The following PDE11A variants were observed in gnomAD, a reference collection of about 807,000 sequenced individuals.
PDE11A encodes the protein phosphodiesterase 11A, also known as dual 3',5'-cyclic-AMP and -GMP phosphodiesterase 11A.
Under a neutral mutation model 100.5 loss-of-function variants are expected in PDE11A, and 100 were observed. The observed-to-expected ratio is 1.00, with a 90% CI of 0.85 to 1.18. The LOEUF (loss-of-function observed/expected upper bound fraction) is 1.18, where lower values mean the gene tolerates loss of function less well. PDE11A is among the 50% of genes most tolerant of loss of function. The probability of loss-of-function intolerance (pLI) is 0.00; values close to 1 mark genes in which losing one functional copy is unlikely to be tolerated. For synonymous variants in PDE11A, 381 were observed against 420.8 expected, an observed-to-expected ratio of 0.91 and a Z score of 1.16; for missense variants, 1,141 against 1,152.6, an observed-to-expected ratio of 0.99 and a Z score of 0.15.
rs537237706 is a variant in PDE11A, at chr2:177,852,471, A to C, written c.1368-12088T>G. Among the ~76,000 whole-genome samples the C allele has an allele frequency of 4.6e-5, 7 of 152,118 alleles. No homozygotes were observed. The South Asian group carries it at 1.4e-3, about 32-fold the overall frequency. On this transcript the variant is annotated intron_variant, in intron 5 of 19. Transcript: ENST00000286063. The stretch of plus-strand genomic sequence containing the variant: ...TCTGAGGTTGGGTTCACAAAAAGAA[A>C]CTGCATTCCTTACTTTTTTCCCCCT...
intron 17 of PDE11A, among the ~76,000 whole-genome samples, chr2:177,669,979 A>C (rs2080651771): frequency 6.6e-6 from 1 of 152,166 alleles, no homozygotes; most frequent in South Asian, 2.1e-4. Context: ...TAGATTATTT[A>C]TTTTGTTGCA....
In PDE11A at chr2:177,845,157, C is replaced by T. The variant is rs1345478707; in HGVS notation, c.1368-4774G>A. Among the ~76,000 whole-genome samples, 43 of 149,120 alleles carry T rather than the reference C, an allele frequency of 2.9e-4. 1 individual carries two copies. The South Asian group carries it at 8.8e-3, about 30-fold the overall frequency. On this transcript the variant is annotated intron_variant, in intron 5 of 19. Coordinates refer to ENST00000286063, the MANE Select transcript of PDE11A (RefSeq NM_016953.4). ...TCACCTCCCGGACGGGGCGGCTGGC[C>T]GGGCGGGGGGCTGACCCCCCCCACC...
chr2:177,686,346 T>C (rs1321031221), intron 15 of PDE11A, among the ~76,000 whole-genome samples: 2 of 152,146 alleles, frequency 1.3e-5, no homozygotes, highest in Non-Finnish European at 1.5e-5. Context: ...GGAGGAGGAT[T>C]GCTCAATCCC....
chr2:177,660,085 TTCTTTCTTTCTTTC>T (rs2080457382), intron 19 of PDE11A, among the ~76,000 whole-genome samples: 2 of 36,990 alleles, frequency 5.4e-5, no homozygotes, highest in African/African-American at 1.8e-4. Context: ...CTTTCTTTCT[TTCTTTCTTTCTTTC>T]TCTCTCTCTC....
intron 14 of PDE11A, 169 bp downstream of exon 14, chr2:177,700,952 C>T: frequency 4.4e-6 from 3 of 680,382 alleles, no homozygotes; most frequent in Middle Eastern, 6.5e-4. Context: ...CAAGGTCCTG[C>T]TCAGGCATCT....
At chr2:177,998,400 AT>A in intron 2 of PDE11A, 1 of 872,098 alleles carries the variant, frequency 1.1e-6, no homozygotes, top group Non-Finnish European at 2.0e-6. Flanking sequence ...CATGTTAAAT[AT>A]ACTCAACAGG....
chr2:177,788,186 G>A (rs1433267210), intron 9 of PDE11A, among the ~76,000 whole-genome samples: 1 of 151,692 alleles, frequency 6.6e-6, no homozygotes, highest in East Asian at 1.9e-4. Flanking sequence ...ATAACAAACT[G>A]TCTCTCAGAC....
At chr2:177,713,861 T>C (rs2081392588) in intron 12 of PDE11A, among the ~76,000 whole-genome samples, 1 of 152,192 alleles carries the variant, frequency 6.6e-6, no homozygotes, top group Admixed American at 6.5e-5. Flanking sequence ...CAAATTATAC[T>C]GAGACTTAGA....
intron 18 of PDE11A, among the ~76,000 whole-genome samples, chr2:177,664,186 T>G (rs2080533728): frequency 1.3e-5 from 2 of 152,220 alleles, no homozygotes; most frequent in African/African-American, 4.8e-5. Flanking sequence ...GTGCAACTTC[T>G]TGGGGCAAAA....
At chr2:177,846,034 GGGGAGAGGGAGAGGGAGA>G (rs763764893) in intron 5 of PDE11A, among the ~76,000 whole-genome samples, 1 of 146,160 alleles carries the variant, frequency 6.8e-6, no homozygotes, top group Non-Finnish European at 1.5e-5. Flanking sequence ...GGGAGACCGT[GGGGAGAGGGAGAGGGAGA>G]GGGAGAGGGA....
chr2:177,808,807 T>A (rs1396962827), intron 9 of PDE11A, among the ~76,000 whole-genome samples: 1 of 151,908 alleles, frequency 6.6e-6, no homozygotes, highest in East Asian at 1.9e-4. Flanking sequence ...ATTGAGTGAG[T>A]TTTCCCCTGA....
At chr2:177,818,269 C>CAT (rs138058817) in intron 7 of PDE11A, among the ~76,000 whole-genome samples, 24,562 of 147,568 alleles carry the variant, frequency 0.17, 3,246 homozygotes, top group African/African-American at 0.38. Context: ...TATTCAGCTA[C>CAT]ATATATATAT....
At chr2:177,834,686 A>G (rs192239634) in intron 6 of PDE11A, among the ~76,000 whole-genome samples, 1 of 152,302 alleles carries the variant, frequency 6.6e-6, no homozygotes, top group East Asian at 1.9e-4. Flanking sequence ...ACAGCAATGA[A>G]AGGTTTCTCT....
intron 4 of PDE11A, among the ~76,000 whole-genome samples, chr2:177,888,336 C>T (rs577661889): frequency 1.3e-5 from 2 of 152,088 alleles, no homozygotes; most frequent in Admixed American, 1.3e-4. Flanking sequence ...CAGAAACAGA[C>T]CCAGGTATAT....
chr2:177,912,443 G>T (rs749321567), intron 2 of PDE11A, among the ~76,000 whole-genome samples: 2 of 152,096 alleles, frequency 1.3e-5, no homozygotes, highest in African/African-American at 2.4e-5. Context: ...TATTCTCTTT[G>T]ACTTTTTAGA....
intron 6 of PDE11A, among the ~76,000 whole-genome samples, chr2:177,824,102 T>C (rs565572535): frequency 5.3e-5 from 8 of 152,178 alleles, no homozygotes; most frequent in Admixed American, 5.2e-4. Flanking sequence ...AAAGAGTTTT[T>C]TTTTTTCTTC....
At chr2:177,758,179 C>A (rs550994415) in intron 10 of PDE11A, among the ~76,000 whole-genome samples, 1 of 151,278 alleles carries the variant, frequency 6.6e-6, no homozygotes, top group South Asian at 2.1e-4. Flanking sequence ...CGCCTGTAGT[C>A]CCAGCTACTC....
At chr2:177,820,548 C>G (rs751884886) in intron 6 of PDE11A, among the ~76,000 whole-genome samples, 2 of 151,852 alleles carry the variant, frequency 1.3e-5, no homozygotes, top group African/African-American at 2.4e-5. Flanking sequence ...TCCTTCAATC[C>G]CTGCAGCCAT....
At chr2:177,638,307 T>A (rs1410176089) in intron 19 of PDE11A, among the ~76,000 whole-genome samples, 1 of 151,832 alleles carries the variant, frequency 6.6e-6, no homozygotes, top group Non-Finnish European at 1.5e-5. Flanking sequence ...CCTACTATAT[T>A]TTTTTTACCT....
Sources: gnomAD v4.1 joint callset for allele counts (sites outside exome capture counted in the v4.1 genomes callset) on GRCh38, gnomAD v4.1.1 for gene constraint, MANE v1.5 for transcripts, NCBI Gene and HGNC (gene_info 2026-07-23, HGNC 2026-07-21) for gene names.